TAFA1: variants seen among roughly 807,000 people sequenced by gnomAD.
TAFA1 encodes the protein chemokine-like protein TAFA-1.
In TAFA1, 4 loss-of-function variants were observed where a neutral mutation model predicts 18.5. That is an observed-to-expected ratio of 0.22 (90% confidence interval 0.11 to 0.49). The LOEUF (loss-of-function observed/expected upper bound fraction) is 0.49, where lower values mean the gene tolerates loss of function less well. Ranked by LOEUF, TAFA1 falls within the 20% of genes least tolerant of loss-of-function variation. TAFA1 has a pLI of 0.98. For missense variants in TAFA1, 147 were observed against 169.0 expected (o/e 0.87, Z 0.72); for synonymous variants, 56 against 55.2 (o/e 1.01, Z -0.06).
At chr3:68,374,924 C>T (rs1200841326) in intron 2 of TAFA1, among the ~76,000 whole-genome samples, 1 of 151,864 alleles carries the variant, frequency 6.6e-6, no homozygotes, top group African/African-American at 2.4e-5. Context: ...CAAAATCATC[C>T]TCCAGTGCAA....
chr3:68,543,094 T>A (rs1314947570), intron 4 of TAFA1, among the ~76,000 whole-genome samples: 1 of 152,194 alleles, frequency 6.6e-6, no homozygotes, highest in African/African-American at 2.4e-5. Context: ...TTGAAACATC[T>A]TTGTAGCTAT....
chr3:68,416,215 C>T (rs1021079247), intron 2 of TAFA1, among the ~76,000 whole-genome samples: 1 of 152,176 alleles, frequency 6.6e-6, no homozygotes, highest in Admixed American at 6.5e-5. Flanking sequence ...AAGGATGAAG[C>T]TGTGTCTTAA....
intron 2 of TAFA1, among the ~76,000 whole-genome samples, chr3:68,085,044 G>C (rs998821137): frequency 6.6e-6 from 1 of 152,112 alleles, no homozygotes; most frequent in Non-Finnish European, 1.5e-5. Context: ...CTATAAACAT[G>C]TGTGTTCAAA....
chr3:68,112,773 C>A (rs1280174786), intron 2 of TAFA1, among the ~76,000 whole-genome samples: 2 of 151,358 alleles, frequency 1.3e-5, no homozygotes, highest in African/African-American at 4.9e-5. Flanking sequence ...TTCCTCTATG[C>A]CAAAAATAAA....
intron 2 of TAFA1, among the ~76,000 whole-genome samples, chr3:68,179,955 A>G (rs562229189): frequency 1.9e-3 from 291 of 151,474 alleles, no homozygotes; most frequent in Middle Eastern, 6.9e-3. Context: ...CAAATCAGCT[A>G]GTGTACACCA....
intron 2 of TAFA1, among the ~76,000 whole-genome samples, chr3:68,169,059 C>T (rs1277698800): frequency 6.6e-6 from 1 of 152,072 alleles, no homozygotes; most frequent in Admixed American, 6.5e-5. Flanking sequence ...AAAATAGATA[C>T]TGTAGTAGTT....
At chr3:68,331,777 AACCCAT>A (rs1235221222) in intron 2 of TAFA1, among the ~76,000 whole-genome samples, 2 of 152,046 alleles carry the variant, frequency 1.3e-5, no homozygotes, top group Non-Finnish European at 2.9e-5. Context: ...GACAGAAGTA[AACCCAT>A]TCATATATGG....
chr3:68,463,237 C>T (rs145503518), intron 3 of TAFA1, among the ~76,000 whole-genome samples: 1 of 152,154 alleles, frequency 6.6e-6, no homozygotes, highest in Admixed American at 6.6e-5. Context: ...AAATTTTAAA[C>T]TTAATTGCTG....
intron 3 of TAFA1, among the ~76,000 whole-genome samples, chr3:68,482,096 T>C (rs1337465724): frequency 3.3e-5 from 5 of 152,204 alleles, no homozygotes; most frequent in Non-Finnish European, 5.9e-5. Flanking sequence ...CTGCAAGCTC[T>C]GCCTCCCGGG....
At chr3:68,183,583 C>T (rs1272616071) in intron 2 of TAFA1, among the ~76,000 whole-genome samples, 1 of 152,018 alleles carries the variant, frequency 6.6e-6, no homozygotes, top group African/African-American at 2.4e-5. Context: ...TATTAGCTGC[C>T]CTCAACAGTG....
At chr3:68,382,067 A>T (rs2069973928) in intron 2 of TAFA1, among the ~76,000 whole-genome samples, 1 of 152,132 alleles carries the variant, frequency 6.6e-6, no homozygotes, top group Non-Finnish European at 1.5e-5. Flanking sequence ...TTCTGTTTAT[A>T]TGCTGGATTA....
intron 3 of TAFA1, among the ~76,000 whole-genome samples, chr3:68,463,718 G>C (rs1471550041): frequency 6.6e-6 from 1 of 152,084 alleles, no homozygotes; most frequent in African/African-American, 2.4e-5. Flanking sequence ...TGTCATGTTG[G>C]GTGAAGTCAA....
chr3:68,194,328 G>A (rs17047310), intron 2 of TAFA1, among the ~76,000 whole-genome samples: 2,589 of 151,806 alleles, frequency 0.017, 78 homozygotes, highest in African/African-American at 0.059. Flanking sequence ...GGTGGCTGAA[G>A]TATGATCAAA....
intron 2 of TAFA1, among the ~76,000 whole-genome samples, chr3:68,261,351 G>A (rs985152000): frequency 6.6e-6 from 1 of 152,198 alleles, no homozygotes; most frequent in African/African-American, 2.4e-5. Context: ...GTGGAAGTCA[G>A]TGTGGCGATT....
chr3:67,999,443 C>T (rs1420657776), upstream of TAFA1, among the ~76,000 whole-genome samples: 1 of 152,160 alleles, frequency 6.6e-6, no homozygotes, highest in East Asian at 1.9e-4. Flanking sequence ...CTTAGGTCTT[C>T]ATCTTTCTTC....
chr3:68,541,650 G>T (rs1511907), intron 4 of TAFA1, among the ~76,000 whole-genome samples: 1 of 151,624 alleles, frequency 6.6e-6, no homozygotes, highest in Non-Finnish European at 1.5e-5. Context: ...TTCAAAGACA[G>T]TTCACTCAGG....
intron 2 of TAFA1, among the ~76,000 whole-genome samples, chr3:68,286,861 G>C (rs1305498803): frequency 6.6e-6 from 1 of 152,172 alleles, no homozygotes; most frequent in Non-Finnish European, 1.5e-5. Flanking sequence ...ATTTGTGCTG[G>C]TATAACAAAA....
chr3:68,534,421 A>G (rs2073239375), intron 3 of TAFA1, among the ~76,000 whole-genome samples: 1 of 152,196 alleles, frequency 6.6e-6, no homozygotes, highest in African/African-American at 2.4e-5. Context: ...TCTTTTGCAC[A>G]TGTGTGCACA....
At chr3:68,531,702 T>C (rs1328136846) in intron 3 of TAFA1, among the ~76,000 whole-genome samples, 1 of 152,114 alleles carries the variant, frequency 6.6e-6, no homozygotes, top group Non-Finnish European at 1.5e-5. Flanking sequence ...CAGCTTCAGG[T>C]GTTTTCTATC....
Sources: gnomAD v4.1 joint callset for allele counts (sites outside exome capture counted in the v4.1 genomes callset) on GRCh38, gnomAD v4.1.1 for gene constraint, MANE v1.5 for transcripts, NCBI Gene and HGNC (gene_info 2026-07-23, HGNC 2026-07-21) for gene names.